The following SSBP2 variants were observed in gnomAD, a reference collection of about 807,000 sequenced individuals.
SSBP2 encodes the protein single stranded DNA binding protein 2.
Under a neutral mutation model 61.8 loss-of-function variants are expected in SSBP2, and 17 were observed. The ratio of observed to expected loss-of-function variants is 0.28; its 90% CI spans 0.19 to 0.41. The LOEUF is 0.41. SSBP2 is among the 10% of genes least tolerant of loss of function. SSBP2 has a pLI of 1.00. For missense variants in SSBP2, 310 were observed against 458.7 expected, an observed-to-expected ratio of 0.68 and a Z score of 2.96; for synonymous variants, 139 against 141.3, an observed-to-expected ratio of 0.98 and a Z score of 0.12.
chr5:81,473,899 T>C (rs2154023667), intron 7 of SSBP2, 129 bp from the exon 8 acceptor site: 1 of 800,336 alleles, frequency 1.2e-6, no homozygotes, highest in East Asian at 2.6e-5. Context: ...CATCTTACCT[T>C]GGCTTCCAGA....
chr5:81,652,824 A>G (rs1342718589), intron 1 of SSBP2, among the ~76,000 whole-genome samples: 2 of 151,482 alleles, frequency 1.3e-5, no homozygotes, highest in Admixed American at 6.6e-5. Flanking sequence ...TTTAGTGGTG[A>G]TTTGTGAGAT....
intron 7 of SSBP2, 33 bp from the exon 8 acceptor site, chr5:81,473,803 T>C (rs1289769403): frequency 1.9e-6 from 3 of 1,589,034 alleles, no homozygotes; most frequent in Middle Eastern, 3.3e-4. Context: ...AGCAAAGTAA[T>C]GAGCATGAGT....
chr5:81,690,295 A>G (rs1286181873), intron 1 of SSBP2, among the ~76,000 whole-genome samples: 1 of 152,178 alleles, frequency 6.6e-6, no homozygotes, highest in Non-Finnish European at 1.5e-5. Flanking sequence ...CTCTCCAGTC[A>G]AAAGTCATAG....
intron 6 of SSBP2, among the ~76,000 whole-genome samples, chr5:81,481,760 C>T (rs1317717421): frequency 2.0e-5 from 3 of 151,174 alleles, no homozygotes; most frequent in Admixed American, 6.6e-5. Context: ...TGGACAACTG[C>T]ATCAGAGCTC....
intron 16 of SSBP2, among the ~76,000 whole-genome samples, chr5:81,426,844 C>T (rs549652358): frequency 6.6e-6 from 1 of 152,296 alleles, no homozygotes; most frequent in South Asian, 2.1e-4. Context: ...AAGTGAAAGT[C>T]ATGTGGAAGC....
intron 1 of SSBP2, among the ~76,000 whole-genome samples, chr5:81,709,111 A>G (rs1469637619): frequency 6.6e-6 from 1 of 152,022 alleles, no homozygotes; most frequent in Non-Finnish European, 1.5e-5. Context: ...ACTTATGCCA[A>G]TAAGAGCTTG....
Position 81,549,169 on chromosome 5 carries a change from G to T in SSBP2, c.283-35452C>A, listed in dbSNP as rs116497590. On this transcript the variant is annotated intron_variant, in intron 4 of 16. Coordinates refer to ENST00000320672, the MANE Select transcript of SSBP2 (RefSeq NM_012446.5). ...TCTTCTTTATCTTTTTACCCATAAT[G>T]TTGAAGACTTAGTTCAATCACTACC... Among the ~76,000 whole-genome samples the T allele has an allele frequency of 7.3e-3, 1,112 of 152,152 alleles. 7 individuals carry two copies. The highest frequency in any genetic ancestry group is 0.013 in the Non-Finnish European group (902 of 68,002).
chr5:81,682,269 T>G (rs1752443712), intron 1 of SSBP2, among the ~76,000 whole-genome samples: 1 of 152,094 alleles, frequency 6.6e-6, no homozygotes, highest in African/African-American at 2.4e-5. Flanking sequence ...CCAATATCTC[T>G]CATGAACACA....
intron 1 of SSBP2, among the ~76,000 whole-genome samples, chr5:81,728,154 CTA>C (rs1756015966): frequency 6.8e-6 from 1 of 147,564 alleles, no homozygotes; most frequent in Non-Finnish European, 1.5e-5. Context: ...AAGTTTTATT[CTA>C]AAGGTAATGG....
At chr5:81,563,023 TTTG>T (rs1318983506) in intron 4 of SSBP2, among the ~76,000 whole-genome samples, 3 of 152,170 alleles carry the variant, frequency 2.0e-5, no homozygotes. Context: ...ACAGGGTTGT[TTTG>T]TAGAAATCAA....
intron 5 of SSBP2, among the ~76,000 whole-genome samples, chr5:81,502,292 A>C (rs1767857021): frequency 6.6e-6 from 1 of 152,150 alleles, no homozygotes; most frequent in Non-Finnish European, 1.5e-5. Context: ...TCCTCCTCAA[A>C]GCATTTTCCT....
At chr5:81,615,184 T>C (rs1745885424) in intron 4 of SSBP2, 1 of 220,936 alleles carries the variant, frequency 4.5e-6, no homozygotes, top group Middle Eastern at 1.7e-3. Flanking sequence ...AATTACTATA[T>C]ATTTAATTTT....
chr5:81,555,913 A>G (rs1772558082), intron 4 of SSBP2, among the ~76,000 whole-genome samples: 1 of 152,082 alleles, frequency 6.6e-6, no homozygotes, highest in Non-Finnish European at 1.5e-5. Context: ...AGAGATCAGC[A>G]AACTTTTCCT....
intron 4 of SSBP2, among the ~76,000 whole-genome samples, chr5:81,580,705 G>T (rs1315546252): frequency 6.7e-6 from 1 of 148,506 alleles, no homozygotes; most frequent in Admixed American, 6.8e-5. Flanking sequence ...TACTTATAAG[G>T]GAAAACATTT....
At chr5:81,603,584 C>G (rs912125170) in intron 4 of SSBP2, among the ~76,000 whole-genome samples, 8 of 152,116 alleles carry the variant, frequency 5.3e-5, no homozygotes, top group Admixed American at 2.0e-4. Context: ...TAAAAAGTCA[C>G]AATGCATATG....
At chr5:81,723,292 G>T (rs1351224039) in intron 1 of SSBP2, among the ~76,000 whole-genome samples, 1 of 151,968 alleles carries the variant, frequency 6.6e-6, no homozygotes, top group East Asian at 1.9e-4. Flanking sequence ...AAGGTTCTTG[G>T]TTCTCTGGAA....
intron 2 of SSBP2, among the ~76,000 whole-genome samples, chr5:81,643,431 ATG>A (rs1298055999): frequency 6.6e-6 from 1 of 152,100 alleles, no homozygotes. Context: ...CTGTATACCT[ATG>A]TGTAAGTTTC....
In SSBP2 at chr5:81,552,647, AAAAAG is replaced by A. The variant is rs1190445720; in HGVS notation, c.283-38935_283-38931del. On this transcript the variant is annotated intron_variant, in intron 4 of 16. Coordinates refer to ENST00000320672, the MANE Select transcript of SSBP2 (RefSeq NM_012446.5). ...AGCAAGACTATGTCTCTTAAAAAAAAAAAAGAAAAAAGAAAGAAGAAAAAAAAAAA... is the reference window on the plus strand; with the variant it reads ...AGCAAGACTATGTCTCTTAAAAAAAAAAAAAAGAAAGAAGAAAAAAAAAAA... 3.1e-4 allele frequency among the ~76,000 whole-genome samples: 47 copies of A among 151,938 alleles called. 1 individual carries two copies. The highest frequency in any genetic ancestry group is 2.5e-3 in the Admixed American group (38 of 15,272).
chr5:81,512,203 C>T (rs910198057), intron 5 of SSBP2, among the ~76,000 whole-genome samples: 6 of 152,136 alleles, frequency 3.9e-5, no homozygotes, highest in Non-Finnish European at 5.9e-5. Flanking sequence ...CAATCAACTA[C>T]GAGGCTTAAA....
Sources: allele counts gnomAD v4.1 joint callset (sites outside exome capture counted in the v4.1 genomes callset), GRCh38; gene constraint gnomAD v4.1.1; transcripts MANE v1.5; gene names NCBI Gene and HGNC (gene_info 2026-07-23, HGNC 2026-07-21).